CNTN3: variants seen among roughly 807,000 people sequenced by gnomAD.
CNTN3 encodes the protein contactin 3.
Under a neutral mutation model 119.1 loss-of-function variants are expected in CNTN3, and 60 were observed. The ratio of observed to expected loss-of-function variants is 0.50; its 90% CI spans 0.41 to 0.62. CNTN3 has a LOEUF of 0.62. Ranked by LOEUF, CNTN3 falls within the 20% of genes least tolerant of loss-of-function variation. The probability of loss-of-function intolerance (pLI) is 0.00; values close to 1 mark genes in which losing one functional copy is unlikely to be tolerated. For missense variants in CNTN3, 1,101 were observed against 1,242.4 expected (o/e 0.89, Z 1.71); for synonymous variants, 450 against 438.7 (o/e 1.03, Z -0.32).
At chr3:74,366,220 G>T (rs1372346174) in intron 8 of CNTN3, among the ~76,000 whole-genome samples, 2 of 152,042 alleles carry the variant, frequency 1.3e-5, no homozygotes, top group African/African-American at 4.8e-5. Flanking sequence ...AAACCAGTGA[G>T]CATCTTAAGA....
At chr3:74,603,626 T>C (rs530023482) in intron 1 of CNTN3, among the ~76,000 whole-genome samples, 1 of 152,090 alleles carries the variant, frequency 6.6e-6, no homozygotes, top group Non-Finnish European at 1.5e-5. Context: ...AGTTACTTAC[T>C]TTTTTTAAGT....
chr3:74,336,322 C>G (rs1703395781), intron 12 of CNTN3, among the ~76,000 whole-genome samples: 1 of 152,122 alleles, frequency 6.6e-6, no homozygotes, highest in African/African-American at 2.4e-5. Context: ...CAACCCAGCA[C>G]AGTAACTAAT....
intron 4 of CNTN3, among the ~76,000 whole-genome samples, chr3:74,471,326 C>T (rs1242924910): frequency 6.6e-6 from 1 of 151,864 alleles, no homozygotes; most frequent in Non-Finnish European, 1.5e-5. Flanking sequence ...ACAGGTAACC[C>T]AGAACTTAAA....
intron 2 of CNTN3, among the ~76,000 whole-genome samples, chr3:74,505,869 T>A (rs1034663940): frequency 1.3e-5 from 2 of 152,078 alleles, no homozygotes; most frequent in African/African-American, 4.8e-5. Context: ...ATAACACCAA[T>A]AAAAGTGATG....
intron 1 of CNTN3, among the ~76,000 whole-genome samples, chr3:74,596,044 A>C (rs942832234): frequency 7.9e-5 from 12 of 151,838 alleles, no homozygotes; most frequent in South Asian, 2.1e-4. Flanking sequence ...TATACACCAA[A>C]AACAGACAGA....
At chr3:74,436,866 A>G (rs1701875311) in intron 4 of CNTN3, among the ~76,000 whole-genome samples, 1 of 152,202 alleles carries the variant, frequency 6.6e-6, no homozygotes, top group East Asian at 1.9e-4. Context: ...AAATCAAAGA[A>G]AATTCATAAT....
rs112263740 is a variant in CNTN3, at chr3:74,370,285, T to G, written c.659-294A>C. ...GTCAAACATGCAATATTAATAAACA[T>G]TTAAGAACTTTGGATTTGCTGATTC... is the stretch of plus-strand genomic sequence containing the variant. On this transcript the variant is annotated intron_variant, in intron 6 of 22. Coordinates refer to ENST00000263665, the MANE Select transcript of CNTN3 (RefSeq NM_020872.3). Among the ~76,000 whole-genome samples, 82 of 152,180 alleles carry G rather than the reference T, an allele frequency of 5.4e-4. 1 individual carries two copies. The highest frequency in any genetic ancestry group is 1.9e-3 in the African/African-American group (80 of 41,548).
chr3:74,523,695 T>C (rs1292574113), intron 1 of CNTN3, among the ~76,000 whole-genome samples: 2 of 151,924 alleles, frequency 1.3e-5, no homozygotes, highest in Non-Finnish European at 2.9e-5. Context: ...ACCTTGCCAT[T>C]ATCATCCTCA....
At chr3:74,459,462 A>T (rs1702326074) in intron 4 of CNTN3, among the ~76,000 whole-genome samples, 1 of 152,094 alleles carries the variant, frequency 6.6e-6, no homozygotes, top group East Asian at 1.9e-4. Flanking sequence ...TTTATGCCCA[A>T]TGGCTTTCTA....
intron 20 of CNTN3, among the ~76,000 whole-genome samples, chr3:74,272,116 C>T (rs932740443): frequency 4.6e-5 from 7 of 152,204 alleles, no homozygotes; most frequent in Non-Finnish European, 7.4e-5. Flanking sequence ...TTCCCTGGGC[C>T]ACAGTGGAAG....
Position 74,298,017 on chromosome 3 carries a change from A to G in CNTN3, c.2341T>C (p.Tyr781His), listed in dbSNP as rs997054361. The G allele has an allele frequency of 2.5e-6, 4 of 1,613,960 alleles. No individual in the cohort carries two copies. Among genetic ancestry groups the G allele is most frequent in the Non-Finnish European group, 3.4e-6 (4 of 1,179,970 alleles). The change falls in exon 18 of 23, where the codon TAT becomes CAT. Residue 781 changes from tyrosine to histidine, a missense_variant. Transcript: ENST00000263665. ...AATGGTCCTTCACCTTTGTTATTAT[A>G]AACACCCACTTTAACTTCATATGGT... Reference protein sequence around the residue: ...YSPYEVKVGVYNNKGEGPFSP... With the variant: ...YSPYEVKVGVHNNKGEGPFSP...
intron 4 of CNTN3, among the ~76,000 whole-genome samples, chr3:74,470,730 A>T (rs1357883221): frequency 1.3e-5 from 2 of 152,186 alleles, no homozygotes; most frequent in African/African-American, 4.8e-5. Flanking sequence ...CAAACTCATG[A>T]TCTTTATAAA....
At chr3:74,387,819 T>C (rs1704792431) in intron 5 of CNTN3, among the ~76,000 whole-genome samples, 1 of 152,214 alleles carries the variant, frequency 6.6e-6, no homozygotes, top group Non-Finnish European at 1.5e-5. Flanking sequence ...GGTATCCAGA[T>C]ATTAATTGAA....
intron 13 of CNTN3, among the ~76,000 whole-genome samples, chr3:74,321,601 A>C (rs1176451844): frequency 6.6e-6 from 1 of 152,146 alleles, no homozygotes; most frequent in East Asian, 1.9e-4. Flanking sequence ...AAAGGAAATC[A>C]GCAAAAGCTG....
chr3:74,504,765 C>A (rs1271708750), intron 2 of CNTN3, among the ~76,000 whole-genome samples: 1 of 113,610 alleles, frequency 8.8e-6, no homozygotes, highest in Non-Finnish European at 2.1e-5. Context: ...TCCAGAGATA[C>A]TTTCCACAAC....
chr3:74,377,113 T>TA (rs1704494945), intron 5 of CNTN3, among the ~76,000 whole-genome samples: 1 of 152,154 alleles, frequency 6.6e-6, no homozygotes, highest in East Asian at 1.9e-4. Flanking sequence ...TTCACACCCT[T>TA]AAAGACATAG....
At chr3:74,481,776 T>A (rs1168475822) in intron 4 of CNTN3, among the ~76,000 whole-genome samples, 2 of 151,778 alleles carry the variant, frequency 1.3e-5, no homozygotes, top group East Asian at 3.9e-4. Context: ...GTGTAGAAAT[T>A]TGAAAGTGAG....
chr3:74,279,560 T>C (rs988464019), intron 20 of CNTN3, among the ~76,000 whole-genome samples: 3 of 151,844 alleles, frequency 2.0e-5, no homozygotes, highest in Non-Finnish European at 4.4e-5. Flanking sequence ...AAACATCGTA[T>C]GTTCTCATTG....
Position 74,267,370 on chromosome 3 carries a change from G to A in CNTN3, c.2713C>T (p.Gln905Ter), listed in dbSNP as rs1046306068. The change falls in exon 21 of 23, where the codon CAG becomes TAG. Residue 905 changes from glutamine (Q) to a stop codon, truncating the protein, a stop_gained. Transcript: ENST00000263665. LOFTEE classifies it high-confidence loss of function. ...NVTTKKTPPS[Q>*]PPGNVVWNAT... ...TTCCAAACAACATTTCCTGGTGGCT[G>A]ACTGGGAGCTTGAAATGCAAAATGA... 1 of 1,610,074 alleles carries A rather than the reference G, an allele frequency of 6.2e-7. No homozygotes were observed.
Sources: allele counts gnomAD v4.1 joint callset (sites outside exome capture counted in the v4.1 genomes callset), GRCh38; gene constraint gnomAD v4.1.1; transcripts MANE v1.5; gene names NCBI Gene and HGNC (gene_info 2026-07-23, HGNC 2026-07-21).